Variants in THSD4 observed in about 807,000 individuals in gnomAD.
THSD4 encodes thrombospondin type 1 domain containing 4.
In THSD4, 69 loss-of-function variants were observed where a neutral mutation model predicts 119.0. The ratio of observed to expected loss-of-function variants is 0.58; its 90% CI spans 0.48 to 0.71. The LOEUF (loss-of-function observed/expected upper bound fraction) is 0.71, where lower values mean the gene tolerates loss of function less well. Ranked by LOEUF, THSD4 falls within the 30% of genes least tolerant of loss-of-function variation. The pLI is 0.00. For missense variants in THSD4, 1,393 were observed against 1,391.1 expected (o/e 1.00, Z -0.02); for synonymous variants, 524 against 540.4 (o/e 0.97, Z 0.42).
intron 7 of THSD4, among the ~76,000 whole-genome samples, chr15:71,534,548 G>A (rs4776559): frequency 0.28 from 42,046 of 151,798 alleles, 6,586 homozygotes; most frequent in East Asian, 0.63. Flanking sequence ...TTTTTGTTTT[G>A]TTACTATATT....
intron 7 of THSD4, among the ~76,000 whole-genome samples, chr15:71,459,822 A>C (rs1354563223): frequency 6.6e-6 from 1 of 152,230 alleles, no homozygotes; most frequent in East Asian, 1.9e-4. Flanking sequence ...AGAGTGGGTT[A>C]ATACGTTCTA....
At chr15:71,711,596 A>G (rs1305780440) in intron 8 of THSD4, among the ~76,000 whole-genome samples, 3 of 152,168 alleles carry the variant, frequency 2.0e-5, no homozygotes, top group Non-Finnish European at 2.9e-5. Flanking sequence ...CTCGTTGTAA[A>G]TACAGATGGT....
chr15:71,562,077 G>C (rs2049131775), intron 7 of THSD4, among the ~76,000 whole-genome samples: 1 of 152,188 alleles, frequency 6.6e-6, no homozygotes, highest in Non-Finnish European at 1.5e-5. Context: ...TGGAGGTTAT[G>C]TGGCTTGCCC....
intron 8 of THSD4, among the ~76,000 whole-genome samples, chr15:71,705,576 A>G (rs2052378570): frequency 6.6e-6 from 1 of 152,142 alleles, no homozygotes; most frequent in Non-Finnish European, 1.5e-5. Flanking sequence ...CAACACTCTC[A>G]GCAGCTGCCA....
intron 7 of THSD4, among the ~76,000 whole-genome samples, chr15:71,510,433 A>G (rs1360897762): frequency 2.0e-5 from 3 of 152,246 alleles, no homozygotes; most frequent in African/African-American, 4.8e-5. Context: ...ATGCACGGAC[A>G]TAGAATATCA....
intron 6 of THSD4, among the ~76,000 whole-genome samples, chr15:71,329,189 A>G (rs1171972462): frequency 6.6e-6 from 1 of 152,182 alleles, no homozygotes; most frequent in African/African-American, 2.4e-5. Flanking sequence ...AGCTAAGAAT[A>G]TTCCCAGCTT....
At chr15:71,262,346 G>A (rs889772179) in intron 6 of THSD4, among the ~76,000 whole-genome samples, 4 of 152,180 alleles carry the variant, frequency 2.6e-5, no homozygotes, top group Non-Finnish European at 5.9e-5. Context: ...ACCCAGGACA[G>A]TGATAGTTTA....
At chr15:71,283,114 C>T (rs764106372) in intron 6 of THSD4, among the ~76,000 whole-genome samples, 14 of 152,060 alleles carry the variant, frequency 9.2e-5, no homozygotes, top group Non-Finnish European at 1.5e-4. Flanking sequence ...GGACTACAGG[C>T]GCGTGCCACC....
chr15:71,182,546 C>T (rs980134800), intron 3 of THSD4, among the ~76,000 whole-genome samples: 2 of 151,712 alleles, frequency 1.3e-5, no homozygotes, highest in African/African-American at 4.8e-5. Context: ...ACACATAAAA[C>T]CCAAACCATA....
At chr15:71,512,985 G>A (rs78859387) in intron 7 of THSD4, among the ~76,000 whole-genome samples, 121 of 152,292 alleles carry the variant, frequency 7.9e-4, no homozygotes, top group African/African-American at 2.9e-3. Flanking sequence ...AGTGTTTTAC[G>A]AATAAGGAAA....
rs113323718 is a variant in THSD4, at chr15:71,265,766, G to T, written c.1015+9051G>T. Among the ~76,000 whole-genome samples, 79 of 151,856 alleles carry T rather than the reference G, an allele frequency of 5.2e-4. No homozygotes were observed. The East Asian group carries it at 7.6e-3, about 15-fold the overall frequency. On this transcript the variant is annotated intron_variant, in intron 6 of 17. Transcript: ENST00000261862. ...TCGACCTTAGACGCTTGAGCTTTGT[G>T]GGGGGGGAGGGGCATCTGCCATTAC...
chr15:71,660,763 C>A, intron 8 of THSD4, 29 bp downstream of exon 8: 1 of 1,606,152 alleles, frequency 6.2e-7, no homozygotes, highest in South Asian at 1.1e-5. Flanking sequence ...CAGAGAAAAC[C>A]GTCTGTCCCT....
chr15:71,743,034 G>A (rs944268219), intron 11 of THSD4, among the ~76,000 whole-genome samples: 3 of 149,190 alleles, frequency 2.0e-5, no homozygotes, highest in African/African-American at 7.4e-5. Flanking sequence ...CAGCCTGGGT[G>A]ACAGAGCTAA....
At chr15:71,276,576 G>T (rs757522871) in intron 6 of THSD4, among the ~76,000 whole-genome samples, 1 of 152,166 alleles carries the variant, frequency 6.6e-6, no homozygotes, top group South Asian at 2.1e-4. Context: ...CTCTTTGCCA[G>T]TTCTATGGTT....
At chr15:71,274,008 C>T (rs2044562338) in intron 6 of THSD4, among the ~76,000 whole-genome samples, 1 of 152,160 alleles carries the variant, frequency 6.6e-6, no homozygotes, top group South Asian at 2.1e-4. Flanking sequence ...CAGGTTTCTC[C>T]ATCTAAGAGT....
intron 7 of THSD4, among the ~76,000 whole-genome samples, chr15:71,601,669 G>A (rs753899154): frequency 1.2e-4 from 18 of 152,310 alleles, no homozygotes; most frequent in South Asian, 2.1e-4. Context: ...TCACAAGGAC[G>A]TGGAAAAAAT....
chr15:71,174,822 C>T lies in THSD4; in HGVS notation c.99+19890C>T, dbSNP rs566578621. On this transcript the variant is annotated intron_variant, in intron 3 of 17. Transcript: ENST00000261862. ...GTGCAGACTGCCTCCTCAAGTGGGT[C>T]CCTGACCCCTGACCCCGAGCAGCCT... 3.6e-3 allele frequency among the ~76,000 whole-genome samples: 550 copies of T among 152,070 alleles called. 2 individuals are homozygous for T. Among genetic ancestry groups the T allele is most frequent in the Non-Finnish European group, 6.1e-3 (413 of 67,910 alleles).
intron 7 of THSD4, among the ~76,000 whole-genome samples, chr15:71,554,904 A>G (rs190569462): frequency 1.3e-4 from 20 of 152,280 alleles, no homozygotes; most frequent in African/African-American, 2.4e-4. Flanking sequence ...TAGTATAATA[A>G]AGCAAACACG....
At chr15:71,318,005 T>C (rs1425701395) in intron 6 of THSD4, among the ~76,000 whole-genome samples, 2 of 152,058 alleles carry the variant, frequency 1.3e-5, no homozygotes, top group African/African-American at 4.8e-5. Flanking sequence ...TGGTGGAGCT[T>C]AGAATTTATA....
Sources: gnomAD v4.1 joint callset for allele counts (sites outside exome capture counted in the v4.1 genomes callset) on GRCh38, gnomAD v4.1.1 for gene constraint, MANE v1.5 for transcripts, NCBI Gene and HGNC (gene_info 2026-07-23, HGNC 2026-07-21) for gene names.